Variants in EPG5 observed in about 807,000 individuals in gnomAD.
EPG5 encodes the protein ectopic P-granules 5 autophagy tethering factor, also known as ectopic P granules protein 5 homolog.
In EPG5, 159 loss-of-function variants were observed where a neutral mutation model predicts 302.7. The ratio of observed to expected loss-of-function variants is 0.53; its 90% confidence interval spans 0.46 to 0.60. The LOEUF (loss-of-function observed/expected upper bound fraction) is 0.60, where lower values mean the gene tolerates loss of function less well. Among genes scored for constraint, EPG5 ranks in the 20% least tolerant of loss-of-function variants. EPG5 has a pLI of 0.00. For missense variants in EPG5, 2,896 were observed against 3,092.4 expected (o/e 0.94, Z 1.51); for synonymous variants, 1,158 against 1,136.8 (o/e 1.02, Z -0.37).
intron 14 of EPG5, among the ~76,000 whole-genome samples, chr18:45,925,026 G>A (rs949813507): frequency 1.3e-5 from 2 of 152,218 alleles, no homozygotes; most frequent in East Asian, 3.8e-4. Context: ...TCAGAACCCA[G>A]GGAGGCTGGC....
At chr18:45,929,328 CACT>C (rs1425266782) in intron 12 of EPG5, among the ~76,000 whole-genome samples, 1 of 152,118 alleles carries the variant, frequency 6.6e-6, no homozygotes, top group Non-Finnish European at 1.5e-5. Flanking sequence ...CTGAGGAAAT[CACT>C]ACAATGATGA....
intron 16 of EPG5, among the ~76,000 whole-genome samples, chr18:45,919,302 T>G (rs188000058): frequency 1.3e-3 from 199 of 152,242 alleles, no homozygotes; most frequent in Admixed American, 2.6e-3. Context: ...TGAGAGGAAA[T>G]GCTCATTCTC....
the EPG5 span, chr18:45,837,757 C>T: frequency 6.6e-7 from 1 of 1,519,210 alleles, no homozygotes; most frequent in Non-Finnish European, 8.8e-7. Flanking sequence ...TGCTGGGCAA[C>T]CCGCGCCGCA....
chr18:45,838,823 G>GC, the EPG5 span: 1 of 1,561,552 alleles, frequency 6.4e-7, no homozygotes, highest in Non-Finnish European at 8.6e-7. Context: ...GCCTGGTCCG[G>GC]CCCGGCCCTG....
At chr18:45,873,483 C>G (rs1392643238) in intron 35 of EPG5, among the ~76,000 whole-genome samples, 1 of 151,480 alleles carries the variant, frequency 6.6e-6, no homozygotes, top group Non-Finnish European at 1.5e-5. Flanking sequence ...GCACTCCAGC[C>G]TGGGCAACAG....
chr18:45,811,150 G>A, the EPG5 span, among the ~76,000 whole-genome samples: 1 of 152,092 alleles, frequency 6.6e-6, no homozygotes, highest in Non-Finnish European at 1.5e-5. Context: ...ACATATTACT[G>A]GAAGTCCTAG....
At position 45,944,180 on chromosome 18, in the gene EPG5, G is replaced by A. The variant is rs1334634124; in HGVS notation, c.1678-61C>T. On this transcript the variant is annotated intron_variant, in intron 7 of 43. Transcript: ENST00000282041. The stretch of plus-strand genomic sequence containing the variant: ...TGATCAGATCACACTATGATCTAGC[G>A]TTACAGGAGCTAAATTATCACAGGT... 70 of 999,854 alleles carry A rather than the reference G, an allele frequency of 7.0e-5. No homozygotes were observed. In the Admixed American group the frequency reaches 9.2e-4, roughly 13 times the overall value. 61.9% of individuals were successfully genotyped at this position (999,854 alleles called of 1,614,324 possible).
chr18:45,936,358 A>G (rs905622795), intron 10 of EPG5, among the ~76,000 whole-genome samples: 1 of 152,230 alleles, frequency 6.6e-6, no homozygotes, highest in African/African-American at 2.4e-5. Flanking sequence ...GATGCTTATT[A>G]AAATTGTATG....
chr18:45,829,644 C>G, the EPG5 span, among the ~76,000 whole-genome samples: 1 of 152,144 alleles, frequency 6.6e-6, no homozygotes, highest in African/African-American at 2.4e-5. Context: ...CCTGGAGCAC[C>G]CTGTTAGCAT....
chr18:45,896,677 T>C (rs2049484393), intron 27 of EPG5, among the ~76,000 whole-genome samples: 1 of 152,174 alleles, frequency 6.6e-6, no homozygotes, highest in Non-Finnish European at 1.5e-5. Flanking sequence ...CCCAAGTAGC[T>C]TGGACCACAG....
chr18:45,856,511 C>T (rs2048518876), intron 42 of EPG5, among the ~76,000 whole-genome samples: 1 of 152,146 alleles, frequency 6.6e-6, no homozygotes, highest in South Asian at 2.1e-4. Context: ...TTCTAAATGT[C>T]ACTGAATTGT....
At chr18:45,890,060 T>C (rs1435169485) in intron 27 of EPG5, 120 bp from the exon 28 acceptor site, 1 of 724,260 alleles carries the variant, frequency 1.4e-6, no homozygotes, top group East Asian at 2.9e-5. Context: ...TCTCTTTATA[T>C]GACTGCCTTA....
Position 45,908,004 on chromosome 18 carries a change from T to G in EPG5, c.4283A>C (p.Lys1428Thr). 1 of 1,601,694 alleles carries G rather than the reference T, an allele frequency of 6.2e-7. No individual in the cohort carries two copies. The highest frequency in any genetic ancestry group is 8.5e-7 in the Non-Finnish European group (1 of 1,176,478). ...TGCTAGCCTGTGAATATCATAATGC[T>G]TTGGTAGAGAAGGGATATAGGTATC... ...KGDTYIPSLP[K>T]HYDIHRLAKV... The change falls in exon 24 of 44, where the codon AAG (lysine) becomes ACG (threonine). Residue 1428 changes from lysine to threonine, a missense_variant. Around this residue, in one of 5 missense-constraint regions of EPG5, gnomAD observed 790 missense variants for 798.0 expected, o/e 0.99. Transcript: ENST00000282041.
intron 42 of EPG5, among the ~76,000 whole-genome samples, chr18:45,856,664 G>A (rs1368598480): frequency 1.3e-5 from 2 of 152,144 alleles, no homozygotes; most frequent in Non-Finnish European, 2.9e-5. Flanking sequence ...AAAACATGAC[G>A]TTAACTGGTT....
intron 1 of EPG5, among the ~76,000 whole-genome samples, chr18:45,960,683 A>G (rs183667378): frequency 6.6e-6 from 1 of 152,300 alleles, no homozygotes; most frequent in East Asian, 1.9e-4. Context: ...GAAAAATACA[A>G]CAAACCATTA....
In EPG5 at chr18:45,954,393, C is replaced by T; in HGVS notation, c.1008+1G>A. On this transcript the variant is annotated splice_donor_variant, in intron 2 of 43. Coordinates refer to ENST00000282041, the MANE Select transcript of EPG5 (RefSeq NM_020964.3). LOFTEE classifies it high-confidence loss of function. ...ATTCCCCAGGCTTCTGATCAAAATA[C>T]CTGTACAGACATTTGTTCCTCCTTA... 2 of 1,593,226 alleles carry T rather than the reference C, an allele frequency of 1.3e-6. No individual in the cohort carries two copies. The highest frequency in any genetic ancestry group is 1.7e-6 in the Non-Finnish European group (2 of 1,170,904).
chr18:45,910,737 G>C lies in EPG5; in HGVS notation c.3989C>G (p.Pro1330Arg). 1 of 1,612,666 alleles carries C rather than the reference G, an allele frequency of 6.2e-7. No individual in the cohort carries two copies. Among genetic ancestry groups the C allele is most frequent in the Non-Finnish European group, 8.5e-7 (1 of 1,179,148 alleles). The part of the protein sequence containing the change: ...LHRPGPQYGL[P>R]IDGCIGRRFF... ...CCTTCTTCCAATACAACCATCTATG[G>C]GTAACCTTAAAAAACACAAGCACAG... The change falls in exon 23 of 44, where the codon CCC (proline) becomes CGC (arginine). Residue 1330 changes from proline to arginine, a missense_variant. Physicochemically the swap from Pro to Arg is moderately radical, Grantham distance 103 (BLOSUM62 -2). Transcript: ENST00000282041.
At chr18:45,841,263 G>T in the EPG5 span, among the ~76,000 whole-genome samples, 1 of 152,086 alleles carries the variant, frequency 6.6e-6, no homozygotes, top group African/African-American at 2.4e-5. Context: ...GCAGGTAGGA[G>T]CGGTGGAGTT....
In EPG5 at chr18:45,954,773, G is replaced by T; in HGVS notation, c.629C>A (p.Pro210His). The T allele has an allele frequency of 6.2e-7, 1 of 1,613,916 alleles. No individual in the cohort carries two copies. Among genetic ancestry groups the T allele is most frequent in the Non-Finnish European group, 8.5e-7 (1 of 1,179,944 alleles). The change falls in exon 2 of 44, where the codon CCT becomes CAT. Residue 210 changes from proline to histidine, a missense_variant. By Grantham distance (77) the Pro-to-His change is moderately conservative. This residue lies in a region of EPG5 where 1,390 missense variants were observed against 1,430.0 expected (regional missense o/e 0.97). Coordinates refer to ENST00000282041, the MANE Select transcript of EPG5 (RefSeq NM_020964.3). ...CTGGGGATACAGTTTCTTCACTCTAGGTGTCTGAAAACCATGTTTGGCTGG... is the reference window on the plus strand; with the variant it reads ...CTGGGGATACAGTTTCTTCACTCTATGTGTCTGAAAACCATGTTTGGCTGG... ...SCPAKHGFQT[P>H]RVKKLYPQLP...
Sources: gnomAD v4.1 joint callset for allele counts (sites outside exome capture counted in the v4.1 genomes callset) on GRCh38, gnomAD v4.1.1 for gene constraint, gnomAD v4.1.1 regional missense constraint, MANE v1.5 for transcripts, NCBI Gene and HGNC (gene_info 2026-07-23, HGNC 2026-07-21) for gene names.